ADAMTS18: variants seen among roughly 807,000 people sequenced by gnomAD.
ADAMTS18 encodes the protein ADAM metallopeptidase with thrombospondin type 1 motif 18.
A neutral mutation model predicts 165.9 loss-of-function variants in ADAMTS18; 157 were observed. That is an observed-to-expected ratio of 0.95 (90% CI 0.83 to 1.08). The LOEUF (loss-of-function observed/expected upper bound fraction) is 1.08, where lower values mean the gene tolerates loss of function less well. Among genes scored for constraint, ADAMTS18 ranks in the 50% least tolerant of loss-of-function variants. ADAMTS18 has a pLI of 0.00. For missense variants in ADAMTS18, 2,040 were observed against 1,534.0 expected (o/e 1.33, Z -5.51); for synonymous variants, 782 against 578.2 (o/e 1.35, Z -5.06).
chr16:77,320,012 G>A lies in ADAMTS18; in HGVS notation c.2369C>T (p.Ala790Val). 6.2e-7 allele frequency: 1 copy of A among 1,614,154 alleles called. No individual in the cohort carries two copies. The highest frequency in any genetic ancestry group is 8.5e-7 in the Non-Finnish European group (1 of 1,180,026). Residue 790 changes from alanine (A) to valine (V), a missense_variant, in exon 16 of 23, where the codon GCA becomes GTA. Coordinates refer to ENST00000282849, the MANE Select transcript of ADAMTS18 (RefSeq NM_199355.4). The part of the protein sequence containing the change: ...QELQVSSSYL[A>V]VRSLSQKYYL... Reference sequence around the variant, plus strand: ...ATACTTTTGACTGAGGCTTCGAACTGCGAGGTAACTGGAGGAAACCTGCAG... The same window carrying A: ...ATACTTTTGACTGAGGCTTCGAACTACGAGGTAACTGGAGGAAACCTGCAG...
At chr16:77,393,701 C>T (rs894579857) in intron 3 of ADAMTS18, among the ~76,000 whole-genome samples, 1 of 152,192 alleles carries the variant, frequency 6.6e-6, no homozygotes, top group African/African-American at 2.4e-5. Context: ...CTCAGACGTC[C>T]AGTTTCCAGA....
intron 3 of ADAMTS18, among the ~76,000 whole-genome samples, chr16:77,407,299 A>C (rs775204809): frequency 8.5e-5 from 13 of 152,108 alleles, no homozygotes; most frequent in Non-Finnish European, 1.9e-4. Flanking sequence ...CAAGATCTCT[A>C]TAATGAAAAC....
chr16:77,353,730 T>C lies in ADAMTS18; in HGVS notation c.1614+3A>G. On this transcript the variant is annotated splice_donor_region_variant and intron_variant, in intron 10 of 22. Coordinates refer to ENST00000282849, the MANE Select transcript of ADAMTS18 (RefSeq NM_199355.4). The stretch of plus-strand genomic sequence containing the variant: ...GTAAGTTTGAAATCACAAGCAAACA[T>C]ACCTTCACAAAACCAAGGCTGCATA... 6.2e-7 allele frequency: 1 copy of C among 1,614,174 alleles called. No individual in the cohort carries two copies. The highest frequency in any genetic ancestry group is 8.5e-7 in the Non-Finnish European group (1 of 1,180,016).
intron 3 of ADAMTS18, among the ~76,000 whole-genome samples, chr16:77,382,425 T>C (rs1300519330): frequency 6.6e-6 from 1 of 152,200 alleles, no homozygotes; most frequent in African/African-American, 2.4e-5. Context: ...TTAGCCAGGA[T>C]GGTCTCGATC....
chr16:77,330,126 G>C (rs1252452429), intron 12 of ADAMTS18, among the ~76,000 whole-genome samples: 1 of 152,124 alleles, frequency 6.6e-6, no homozygotes, highest in Non-Finnish European at 1.5e-5. Flanking sequence ...ATAACCAGCT[G>C]AGCCGTGATA....
chr16:77,351,839 AT>A (rs1158412070), intron 10 of ADAMTS18, among the ~76,000 whole-genome samples: 1 of 151,936 alleles, frequency 6.6e-6, no homozygotes, highest in African/African-American at 2.4e-5. Flanking sequence ...GGCTCAAGTG[AT>A]CCCCCTGCCT....
chr16:77,388,535 G>T (rs1009226398), intron 3 of ADAMTS18, among the ~76,000 whole-genome samples: 13 of 152,296 alleles, frequency 8.5e-5, no homozygotes, highest in Admixed American at 7.8e-4. Context: ...TAAGGCGTGT[G>T]AACTTGGATG....
At position 77,334,239 on chromosome 16, in the gene ADAMTS18, G is replaced by A. The variant is rs1230758496; in HGVS notation, c.1859+1517C>T. Among the ~76,000 whole-genome samples the A allele has an allele frequency of 2.9e-5, 2 of 69,782 alleles. 1 individual carries two copies. Among genetic ancestry groups the A allele is most frequent in the Non-Finnish European group, 5.1e-5 (2 of 39,090 alleles). The allele number at this position is 69,782 out of a possible 152,430, so 45.8% of individuals were successfully genotyped here. ...TGTTATATATTATATATAATATATAGTGTTATATATTACATATAATATATA... is the reference window on the plus strand; with the variant it reads ...TGTTATATATTATATATAATATATAATGTTATATATTACATATAATATATA... On this transcript the variant is annotated intron_variant, in intron 12 of 22. Transcript: ENST00000282849.
chr16:77,329,893 C>T (rs2056159653), intron 12 of ADAMTS18, among the ~76,000 whole-genome samples: 2 of 152,088 alleles, frequency 1.3e-5, no homozygotes, highest in African/African-American at 4.8e-5. Context: ...TATTAGACAA[C>T]TATAAAGAGC....
In ADAMTS18 at chr16:77,294,261, A is replaced by G. The variant is rs903563888; in HGVS notation, c.3006+662T>C. Among the ~76,000 whole-genome samples the G allele has an allele frequency of 2.6e-5, 4 of 152,050 alleles. No individual in the cohort carries two copies. The East Asian group carries it at 7.7e-4, about 29-fold the overall frequency. ...CAGCACCACTGACATTTTGGATCAG[A>G]TAATTCTTTGTGGTGAGGAGCTGGC... is the stretch of plus-strand genomic sequence containing the variant. On this transcript the variant is annotated intron_variant, in intron 19 of 22. Transcript: ENST00000282849.
At chr16:77,434,085 G>C (rs570234685) in intron 2 of ADAMTS18, among the ~76,000 whole-genome samples, 1 of 152,228 alleles carries the variant, frequency 6.6e-6, no homozygotes, top group South Asian at 2.1e-4. Context: ...AGTTAGGAGA[G>C]GGAGGAAATA....
At chr16:77,348,179 T>C (rs2056505076) in intron 10 of ADAMTS18, among the ~76,000 whole-genome samples, 2 of 152,128 alleles carry the variant, frequency 1.3e-5, no homozygotes, top group Admixed American at 1.3e-4. Flanking sequence ...TCAATTTCCT[T>C]TCTGCTGGAT....
At chr16:77,309,732 C>T (rs991112746) in intron 16 of ADAMTS18, among the ~76,000 whole-genome samples, 9 of 152,108 alleles carry the variant, frequency 5.9e-5, no homozygotes, top group South Asian at 2.1e-4. Context: ...TTTCCAGGAT[C>T]GCATTATCCT....
chr16:77,374,470 TTC>T (rs1335293062), intron 3 of ADAMTS18, among the ~76,000 whole-genome samples: 1 of 152,120 alleles, frequency 6.6e-6, no homozygotes, highest in Non-Finnish European at 1.5e-5. Flanking sequence ...AGGTCCCTCA[TTC>T]TCTGAGAAGG....
intron 3 of ADAMTS18, among the ~76,000 whole-genome samples, chr16:77,391,108 T>G (rs978181524): frequency 6.6e-6 from 1 of 152,140 alleles, no homozygotes; most frequent in African/African-American, 2.4e-5. Context: ...AAATCAGGAG[T>G]GTCTATCTAC....
intron 2 of ADAMTS18, among the ~76,000 whole-genome samples, chr16:77,432,626 G>C (rs1207901004): frequency 6.6e-6 from 1 of 152,158 alleles, no homozygotes; most frequent in African/African-American, 2.4e-5. Context: ...CACAGAATGG[G>C]AAACTACTTT....
At chr16:77,408,586 C>G (rs1482468681) in intron 3 of ADAMTS18, among the ~76,000 whole-genome samples, 1 of 152,050 alleles carries the variant, frequency 6.6e-6, no homozygotes, top group Non-Finnish European at 1.5e-5. Flanking sequence ...GCAAAAGAAA[C>G]TCGACAAATT....
intron 3 of ADAMTS18, among the ~76,000 whole-genome samples, chr16:77,417,926 T>C (rs1179162728): frequency 6.6e-6 from 1 of 152,308 alleles, no homozygotes; most frequent in East Asian, 1.9e-4. Context: ...CAAGAGAATA[T>C]AGAGGACATT....
chr16:77,385,148 A>G (rs2057088790), intron 3 of ADAMTS18, among the ~76,000 whole-genome samples: 1 of 152,254 alleles, frequency 6.6e-6, no homozygotes, highest in South Asian at 2.1e-4. Flanking sequence ...AACTTAAGCG[A>G]TCCACTCACC....
Sources: allele counts gnomAD v4.1 joint callset (sites outside exome capture counted in the v4.1 genomes callset), GRCh38; gene constraint gnomAD v4.1.1; transcripts MANE v1.5; gene names NCBI Gene and HGNC (gene_info 2026-07-23, HGNC 2026-07-21).